HSPD1: variants seen among roughly 807,000 people sequenced by gnomAD.
HSPD1 encodes the protein 60 kDa heat shock protein, mitochondrial.
HSPD1 carries 3 observed loss-of-function variants against 53.0 expected under a neutral mutation model. The observed-to-expected ratio is 0.06, with a 90% CI of 0.03 to 0.15. The LOEUF is 0.15. Ranked by LOEUF, HSPD1 falls within the 10% of genes least tolerant of loss-of-function variation. The pLI is 1.00. For synonymous variants in HSPD1, 200 were observed against 228.0 expected (o/e 0.88, Z 1.10); for missense variants, 431 against 694.1 (o/e 0.62, Z 4.26).
Position 197,495,779 on chromosome 2 carries a change from T to A in HSPD1, c.428-403A>T, listed in dbSNP as rs548899293. Among the ~76,000 whole-genome samples, 12 of 152,284 alleles carry A rather than the reference T, an allele frequency of 7.9e-5. 1 individual carries two copies. In the South Asian group the frequency reaches 2.5e-3, roughly 32 times the overall value. ...GTCTTTAGTGCCTTAATATTAAATT[T>A]ACACACAGCTTCTGAGACAGTGCTT... On this transcript the variant is annotated intron_variant, in intron 3 of 11. Coordinates refer to ENST00000388968, the MANE Select transcript of HSPD1 (RefSeq NM_002156.5).
At chr2:197,494,030 A>G in intron 6 of HSPD1, 127 bp downstream of exon 6, 1 of 602,288 alleles carries the variant, frequency 1.7e-6, no homozygotes, top group South Asian at 2.0e-5. Context: ...TGAACCCGGA[A>G]GGCGGAGGTT....
intron 11 of HSPD1, among the ~76,000 whole-genome samples, chr2:197,487,486 G>A (rs1340886863): frequency 2.0e-5 from 3 of 152,200 alleles, no homozygotes; most frequent in Non-Finnish European, 2.9e-5. Flanking sequence ...GGTGGAGGTT[G>A]TCACTGCCTG....
intron 1 of HSPD1, 68 bp downstream of exon 1, chr2:197,499,714 C>T (rs2086218091): frequency 6.6e-6 from 1 of 151,812 alleles, no homozygotes; most frequent in Non-Finnish European, 1.5e-5. Flanking sequence ...CCAGCTGGAC[C>T]GCAGAGGAGG....
intron 2 of HSPD1, among the ~76,000 whole-genome samples, chr2:197,497,795 A>G (rs1473424053): frequency 1.3e-5 from 2 of 152,244 alleles, no homozygotes; most frequent in African/African-American, 4.8e-5. Context: ...CATCAAGGCA[A>G]GTAGCGTGCT....
intron 3 of HSPD1, among the ~76,000 whole-genome samples, chr2:197,495,971 C>T (rs1258790185): frequency 6.6e-6 from 1 of 152,132 alleles, no homozygotes; most frequent in Non-Finnish European, 1.5e-5. Flanking sequence ...ATTCCTAACC[C>T]AATCATGCTG....
chr2:197,489,095 G>T lies in HSPD1; in HGVS notation c.1122C>A (p.Ile374=). 6.2e-7 allele frequency: 1 copy of T among 1,613,886 alleles called. No individual in the cohort carries two copies. Among genetic ancestry groups the T allele is most frequent in the East Asian group, 2.2e-5 (1 of 44,884 alleles). Residue 374 remains isoleucine, a synonymous_variant, in exon 9 of 12, where the codon ATC becomes ATA. Transcript: ENST00000388968. ...KAQIEKRIQE[I]IEQLDVTTSE... is the part of the protein sequence containing the mutation. ...TAGTTGTGACATCTAACTGCTCAATGATTTCTTGAATACGTTTTTCAATTT... is the reference window on the plus strand; with the variant it reads ...TAGTTGTGACATCTAACTGCTCAATTATTTCTTGAATACGTTTTTCAATTT...
chr2:197,499,973 T>G (rs2086224995), upstream of HSPD1: 1 of 161,094 alleles, frequency 6.2e-6, no homozygotes, highest in African/African-American at 2.4e-5. Context: ...CTGCACACCC[T>G]GCGCGCGAGC....
intron 1 of HSPD1, chr2:197,499,066 G>C: frequency 4.9e-6 from 3 of 612,124 alleles, no homozygotes; most frequent in Non-Finnish European, 8.8e-6. Context: ...CTGACCTATA[G>C]CACCAGCACA....
chr2:197,498,156 T>C lies in HSPD1; in HGVS notation c.174+519A>G, dbSNP rs187006652. On this transcript the variant is annotated intron_variant, in intron 2 of 11. Coordinates refer to ENST00000388968, the MANE Select transcript of HSPD1 (RefSeq NM_002156.5). ...TGAGTACAAAGTTACAATTTTTCCA[T>C]ATAAAAAGTTTTGGAGATGGATGGT... Among the ~76,000 whole-genome samples, 185 of 152,300 alleles carry C rather than the reference T, an allele frequency of 1.2e-3. 1 individual carries two copies. Among genetic ancestry groups the C allele is most frequent in the African/African-American group, 4.3e-3 (179 of 41,562 alleles).
chr2:197,499,476 C>A (rs1242246280), intron 1 of HSPD1: 1 of 154,418 alleles, frequency 6.5e-6, no homozygotes, highest in Non-Finnish European at 1.4e-5. Context: ...CGTACACCAC[C>A]CTCCCCGGTT....
At chr2:197,488,270 A>G in intron 10 of HSPD1, 47 bp downstream of exon 10, 1 of 1,565,524 alleles carries the variant, frequency 6.4e-7, no homozygotes, top group Non-Finnish European at 8.8e-7. Context: ...TTATTCTAAG[A>G]AAAACTAAAA....
chr2:197,494,028 G>T (rs935053290), intron 6 of HSPD1, 129 bp downstream of exon 6: 3 of 598,424 alleles, frequency 5.0e-6, no homozygotes, highest in Non-Finnish European at 3.1e-6. Flanking sequence ...CTTGAACCCG[G>T]AAGGCGGAGG....
At chr2:197,499,047 G>T (rs527554668) in intron 1 of HSPD1, 197 bp from the exon 2 acceptor site, 2 of 639,408 alleles carry the variant, frequency 3.1e-6, no homozygotes, top group Admixed American at 2.7e-5. Flanking sequence ...AGGCCGCCCC[G>T]GCCGGCGCCT....
chr2:197,488,928 T>C (rs1489629645), intron 9 of HSPD1, 74 bp downstream of exon 9: 5 of 1,432,156 alleles, frequency 3.5e-6, no homozygotes, highest in Non-Finnish European at 4.9e-6. Context: ...ATGGTACTAC[T>C]GGGGAATACT....
At chr2:197,496,092 G>T (rs796717106) in intron 3 of HSPD1, among the ~76,000 whole-genome samples, 1 of 152,126 alleles carries the variant, frequency 6.6e-6, no homozygotes, top group Non-Finnish European at 1.5e-5. Context: ...TAAATGATAG[G>T]AATCTGTTGT....
intron 8 of HSPD1, 120 bp from the exon 9 acceptor site, chr2:197,489,367 T>A (rs2086063613): frequency 9.4e-7 from 1 of 1,063,450 alleles, no homozygotes; most frequent in Non-Finnish European, 1.4e-6. Context: ...AATGAGAGAT[T>A]TTAAGATCAC....
chr2:197,496,820 C>A, intron 3 of HSPD1: 1 of 382,474 alleles, frequency 2.6e-6, no homozygotes, highest in Non-Finnish European at 4.9e-6. Flanking sequence ...TGTAGTAGTC[C>A]CAGCTACTTG....
chr2:197,490,340 G>T, intron 7 of HSPD1, 44 bp from the exon 8 acceptor site: 1 of 1,423,584 alleles, frequency 7.0e-7, no homozygotes, highest in Non-Finnish European at 9.9e-7. Flanking sequence ...AAATAAAAAT[G>T]CCTATCTGTT....
chr2:197,492,460 G>T (rs2086105301), intron 7 of HSPD1, among the ~76,000 whole-genome samples: 1 of 152,076 alleles, frequency 6.6e-6, no homozygotes. Flanking sequence ...CAAGTGCTGG[G>T]ATTATAGCTG....
Sources: gnomAD v4.1 joint callset for allele counts (sites outside exome capture counted in the v4.1 genomes callset) on GRCh38, gnomAD v4.1.1 for gene constraint, MANE v1.5 for transcripts, NCBI Gene and HGNC (gene_info 2026-07-23, HGNC 2026-07-21) for gene names.